Variants in MAP3K11 observed in about 807,000 individuals in gnomAD.
MAP3K11 encodes SH3 domain-containing proline-rich kinase.
Under a neutral mutation model 84.9 loss-of-function variants are expected in MAP3K11, and 46 were observed. The ratio of observed to expected loss-of-function variants is 0.54; its 90% CI spans 0.43 to 0.69. MAP3K11 has a LOEUF of 0.69. Ranked by LOEUF, MAP3K11 falls within the 30% of genes least tolerant of loss-of-function variation. The pLI is 0.00. For synonymous variants in MAP3K11, 527 were observed against 514.7 expected, an observed-to-expected ratio of 1.02 and a Z score of -0.32; for missense variants, 1,053 against 1,198.3, an observed-to-expected ratio of 0.88 and a Z score of 1.79.
intron 1 of MAP3K11, 59 bp from the exon 2 acceptor site, chr11:65,608,507 G>A (rs1289496285): frequency 1.3e-6 from 2 of 1,539,694 alleles, no homozygotes; most frequent in Admixed American, 1.7e-5. Context: ...GACAGGGTAA[G>A]AGCTGGGAGC....
In MAP3K11 at chr11:65,613,985, G is replaced by A. The variant is rs946430989; in HGVS notation, c.-229C>T. On this transcript the variant is annotated 5_prime_UTR_variant, in exon 1 of 10. Coordinates refer to ENST00000309100, the MANE Select transcript of MAP3K11 (RefSeq NM_002419.4). ...CAGTGTGGTCAGGCCGGGGGGGTGG[G>A]GCCCCGGGGCCTCCGGCGCCTCACC... The A allele has an allele frequency of 1.5e-5, 8 of 538,352 alleles. No homozygotes were observed. Among genetic ancestry groups the A allele is most frequent in the African/African-American group, 1.9e-5 (1 of 51,874 alleles). The allele number at this position is 538,352 out of a possible 1,614,324, so 33.3% of individuals were successfully genotyped here.
At position 65,598,507 on chromosome 11, in the gene MAP3K11, A is replaced by C; in HGVS notation, c.2328T>G (p.Ile776Met). Reference protein sequence around the residue: ...RPRPSPLRSRIDPWSFVSAGP... With the variant: ...RPRPSPLRSRMDPWSFVSAGP... ...CAGCTGACACAAAGCTCCAGGGATC[A>C]ATGCGGCTGCGAAGGGGCGAGGGCC... is the stretch of plus-strand genomic sequence containing the variant. The change falls in exon 10 of 10, where the codon ATT becomes ATG. Residue 776 changes from isoleucine to methionine, a missense_variant. Transcript: ENST00000309100. 1.9e-6 allele frequency: 3 copies of C among 1,613,682 alleles called. No individual in the cohort carries two copies. The highest frequency in any genetic ancestry group is 2.5e-6 in the Non-Finnish European group (3 of 1,179,778).
intron 8 of MAP3K11, among the ~76,000 whole-genome samples, chr11:65,602,307 T>C (rs981055933): frequency 6.8e-6 from 1 of 147,274 alleles, no homozygotes; most frequent in Non-Finnish European, 1.5e-5. Flanking sequence ...AGGTCAGGAG[T>C]GCATGACTAG....
intron 5 of MAP3K11, 188 bp from the exon 6 acceptor site, chr11:65,606,992 C>T: frequency 3.5e-6 from 2 of 576,480 alleles, no homozygotes; most frequent in East Asian, 3.4e-5. Flanking sequence ...TCGTCTGAGT[C>T]GGAGATGCCC....
Position 65,605,967 on chromosome 11 carries a change from G to A in MAP3K11, c.1718C>T (p.Pro573Leu). ...TCACCTCCCATTCTGGGCTTCCCCA[G>A]GCTTGGGGGAACTGGGACCCCAAGC... Reference protein sequence around the residue: ...CWAWGPSSPKPGEAQNGRRRS... With the variant: ...CWAWGPSSPKLGEAQNGRRRS... Residue 573 changes from proline (P) to leucine (L), a missense_variant, in exon 7 of 10, where the codon CCT (proline) becomes CTT (leucine). By Grantham distance (98) the Pro-to-Leu change is moderately conservative. Transcript: ENST00000309100. 6.2e-7 allele frequency: 1 copy of A among 1,603,098 alleles called. No homozygotes were observed. Among genetic ancestry groups the A allele is most frequent in the Non-Finnish European group, 8.5e-7 (1 of 1,176,426 alleles).
At chr11:65,604,281 G>A (rs1211402722) in intron 8 of MAP3K11, among the ~76,000 whole-genome samples, 1 of 152,274 alleles carries the variant, frequency 6.6e-6, no homozygotes, top group Non-Finnish European at 1.5e-5. Flanking sequence ...GAGGGCCAGA[G>A]AGTTCTGTGG....
Position 65,607,752 on chromosome 11 carries a change from C to G in MAP3K11, c.1134G>C (p.Ala378=). 6.2e-7 allele frequency: 1 copy of G among 1,613,690 alleles called. No homozygotes were observed. Residue 378 remains alanine, a synonymous_variant, in exon 4 of 10, where the codon GCG becomes GCC. Coordinates refer to ENST00000309100, the MANE Select transcript of MAP3K11 (RefSeq NM_002419.4). ...TTTCCCGTAGGACCTGTGCCTCCAG[C>G]GCCTCCAACTGCTGCAGGATGGAGG... is the stretch of plus-strand genomic sequence containing the variant. The part of the protein sequence containing the change: ...DFASILQQLE[A]LEAQVLREMP...
intron 9 of MAP3K11, 93 bp from the exon 10 acceptor site, chr11:65,598,721 G>T: frequency 2.1e-6 from 2 of 932,900 alleles, no homozygotes; most frequent in Non-Finnish European, 3.0e-6. Context: ...GTTTCCCCAT[G>T]TGCACAGTGA....
At position 65,605,735 on chromosome 11, in the gene MAP3K11, C is replaced by A. The variant is rs780700147; in HGVS notation, c.1831+26G>T. ...GCCCACGGAAGGAGCTCAGCCAGAT[C>A]CTGCCGGGGGAGGAAGGCCACTCAC... On this transcript the variant is annotated intron_variant, in intron 8 of 9. Coordinates refer to ENST00000309100, the MANE Select transcript of MAP3K11 (RefSeq NM_002419.4). 18 of 1,569,960 alleles carry A rather than the reference C, an allele frequency of 1.1e-5. 1 individual carries two copies. The South Asian group carries it at 1.9e-4, about 17-fold the overall frequency.
intron 8 of MAP3K11, among the ~76,000 whole-genome samples, chr11:65,602,652 A>T (rs1209901208): frequency 1.3e-5 from 2 of 152,094 alleles, no homozygotes; most frequent in East Asian, 3.9e-4. Flanking sequence ...TCTCAAAAAA[A>T]AAAAAATTAG....
chr11:65,607,580 T>TGG (rs1183624781), intron 4 of MAP3K11, 61 bp downstream of exon 4: 3 of 1,557,248 alleles, frequency 1.9e-6, no homozygotes, highest in Non-Finnish European at 2.6e-6. Flanking sequence ...CCGCCCCGAC[T>TGG]CTGCCCCAGG....
chr11:65,607,704 G>A lies in MAP3K11; in HGVS notation c.1182C>T (p.Ser394=). ...TCTCGCGCTTCCAGCCTTCCTGCATGGAATGGAAGGAGTCCCGCGGCATTT... is the reference window on the plus strand; with the variant it reads ...TCTCGCGCTTCCAGCCTTCCTGCATAGAATGGAAGGAGTCCCGCGGCATTT... The part of the protein sequence containing the change: ...LREMPRDSFH[S]MQEGWKREIQ... Residue 394 remains serine (S), a synonymous_variant, in exon 4 of 10, where the codon TCC becomes TCT. Coordinates refer to ENST00000309100, the MANE Select transcript of MAP3K11 (RefSeq NM_002419.4). The A allele has an allele frequency of 1.9e-6, 3 of 1,613,690 alleles. No homozygotes were observed. The highest frequency in any genetic ancestry group is 2.7e-5 in the African/African-American group (2 of 75,012).
intron 6 of MAP3K11, 194 bp from the exon 7 acceptor site, chr11:65,606,275 G>GGCT (rs1301976301): frequency 4.0e-5 from 22 of 552,260 alleles, no homozygotes; most frequent in Admixed American, 2.8e-4. Flanking sequence ...CTAGCCCTTG[G>GGCT]GCTGAAGTTT....
rs909448899 is a variant in MAP3K11 at position 65,599,529 on chromosome 11, G to T, written c.2071C>A (p.Pro691Thr). Residue 691 changes from proline (P) to threonine (T), a missense_variant, in exon 9 of 10, where the codon CCC becomes ACC. Around this residue, in one of 3 missense-constraint regions of MAP3K11, gnomAD observed 583 missense variants for 566.6 expected, o/e 1.03. Coordinates refer to ENST00000309100, the MANE Select transcript of MAP3K11 (RefSeq NM_002419.4). ...GAGAAGCAGATGAGCGGGGAAGGGGGCGGCTCGGTCGGGCAGGGCGCGGGC... is the reference window on the plus strand; with the variant it reads ...GAGAAGCAGATGAGCGGGGAAGGGGTCGGCTCGGTCGGGCAGGGCGCGGGC... ...PTPAPCPTEP[P>T]PSPLICFSLK... is the part of the protein sequence containing the mutation. 1 of 1,492,282 alleles carries T rather than the reference G, an allele frequency of 6.7e-7. No homozygotes were observed. The highest frequency in any genetic ancestry group is 8.9e-7 in the Non-Finnish European group (1 of 1,127,072). The allele number at this position is 1,492,282 out of a possible 1,614,324, so 92.4% of individuals were successfully genotyped here. A position where few individuals can be genotyped will look rare whatever the true frequency, so the allele number is the denominator to read the frequency against.
intron 8 of MAP3K11, among the ~76,000 whole-genome samples, chr11:65,601,399 G>A (rs1854453927): frequency 6.6e-6 from 1 of 152,136 alleles, no homozygotes; most frequent in South Asian, 2.1e-4. Context: ...TTGTTTATGA[G>A]TCTGCCTGCT....
Position 65,606,253 on chromosome 11 carries a change from G to A in MAP3K11, c.1604-172C>T. 3 of 646,532 alleles carry A rather than the reference G, an allele frequency of 4.6e-6. No individual in the cohort carries two copies. In the Admixed American group the frequency reaches 1.1e-4, roughly 25 times the overall value. The allele number at this position is 646,532 out of a possible 1,614,324, so 40.0% of individuals were successfully genotyped here. On this transcript the variant is annotated intron_variant, in intron 6 of 9. Transcript: ENST00000309100. ...TGGGTCTTGGGGCCAACAGTGGGGT[G>A]GGGCATCTCATCTAGCCCTTGGGCT...
intron 1 of MAP3K11, chr11:65,610,122 T>A (rs1854557171): frequency 6.5e-6 from 1 of 152,686 alleles, no homozygotes; most frequent in Non-Finnish European, 1.5e-5. Flanking sequence ...CCCACTGGCA[T>A]CTTCCACATT....
intron 5 of MAP3K11, 64 bp downstream of exon 5, chr11:65,607,206 A>G: frequency 7.1e-7 from 1 of 1,415,614 alleles, no homozygotes. Context: ...GTGAGCACAC[A>G]GGCCTGGCTC....
Position 65,608,425 on chromosome 11 carries a change from T to C in MAP3K11, c.763A>G (p.Ser255Gly), listed in dbSNP as rs2135371509. The change falls in exon 2 of 10, where the codon AGT becomes GGT. Residue 255 changes from serine (S) to glycine (G), a missense_variant. Physicochemically the swap from Ser to Gly is moderately conservative, Grantham distance 56. Around this residue, in one of 3 missense-constraint regions of MAP3K11, gnomAD observed 310 missense variants for 464.5 expected, o/e 0.67. Coordinates refer to ENST00000309100, the MANE Select transcript of MAP3K11 (RefSeq NM_002419.4). ...NNILLLQPIE[S>G]DDMEHKTLKI... ...AGGGTCTTGTGCTCCATGTCGTCAC[T>C]CTCAATGGGCTGCAGCAGCAAAACT... 1.2e-6 allele frequency: 2 copies of C among 1,614,106 alleles called. No homozygotes were observed. The highest frequency in any genetic ancestry group is 1.7e-6 in the Non-Finnish European group (2 of 1,180,018).
Sources: gnomAD v4.1 joint callset for allele counts (sites outside exome capture counted in the v4.1 genomes callset) on GRCh38, gnomAD v4.1.1 for gene constraint, gnomAD v4.1.1 regional missense constraint, MANE v1.5 for transcripts, NCBI Gene and HGNC (gene_info 2026-07-23, HGNC 2026-07-21) for gene names.